CALD1: variants seen among roughly 807,000 people sequenced by gnomAD.
CALD1 encodes the protein caldesmon 1.
CALD1 carries 33 observed loss-of-function variants against 99.9 expected under a neutral mutation model. The ratio of observed to expected loss-of-function variants is 0.33; its 90% CI spans 0.25 to 0.44. The LOEUF (loss-of-function observed/expected upper bound fraction) is 0.44, where lower values mean the gene tolerates loss of function less well. CALD1 is among the 20% of genes least tolerant of loss of function. The pLI, the probability that CALD1 is intolerant of heterozygous loss-of-function variation, is 1.00. For synonymous variants in CALD1, 310 were observed against 325.0 expected (o/e 0.95, Z 0.50); for missense variants, 861 against 962.1 (o/e 0.89, Z 1.39).
chr7:134,953,167 A>G (rs1366875486), intron 9 of CALD1, among the ~76,000 whole-genome samples: 1 of 151,974 alleles, frequency 6.6e-6, no homozygotes, highest in Admixed American at 6.6e-5. Context: ...TTTTTTTTTA[A>G]CCGTTTAACA....
At chr7:134,812,813 A>AT (rs936672353) in intron 1 of CALD1, among the ~76,000 whole-genome samples, 1 of 152,086 alleles carries the variant, frequency 6.6e-6, no homozygotes, top group African/African-American at 2.4e-5. Flanking sequence ...TCCTGAATAT[A>AT]TTTTTTTGGG....
At chr7:134,884,359 T>C (rs1363885881) in intron 3 of CALD1, among the ~76,000 whole-genome samples, 1 of 152,214 alleles carries the variant, frequency 6.6e-6, no homozygotes, top group South Asian at 2.1e-4. Flanking sequence ...TTACCTGTGA[T>C]GATTTCACCC....
chr7:134,779,486 G>T, upstream of CALD1: 1 of 390,128 alleles, frequency 2.6e-6, no homozygotes, highest in Non-Finnish European at 4.5e-6. Flanking sequence ...CCTTGGCTGG[G>T]GTGTCGTCAT....
chr7:134,879,284 CTGTGAA>C (rs1563063384), intron 3 of CALD1, among the ~76,000 whole-genome samples: 2 of 152,220 alleles, frequency 1.3e-5, no homozygotes, highest in Non-Finnish European at 2.9e-5. Flanking sequence ...TCTCATTCAT[CTGTGAA>C]TCAGGTTAAA....
intron 1 of CALD1, among the ~76,000 whole-genome samples, chr7:134,773,170 T>C (rs1255540651): frequency 1.3e-5 from 2 of 152,200 alleles, no homozygotes; most frequent in Admixed American, 1.3e-4. Flanking sequence ...TTTTTTTCTG[T>C]CCTCTTTTTT....
chr7:134,747,655 T>G (rs1796646887), intron 1 of CALD1, among the ~76,000 whole-genome samples: 1 of 152,154 alleles, frequency 6.6e-6, no homozygotes, highest in Admixed American at 6.5e-5. Context: ...CTCCCTGCAC[T>G]CCATGCCTGT....
chr7:134,897,389 AATAT>A (rs772700602), intron 3 of CALD1, among the ~76,000 whole-genome samples: 1 of 146,644 alleles, frequency 6.8e-6, no homozygotes. Context: ...TATATATATA[AATAT>A]ATATATATAT....
intron 1 of CALD1, among the ~76,000 whole-genome samples, chr7:134,827,354 T>C (rs1799038771): frequency 6.6e-6 from 1 of 152,226 alleles, no homozygotes; most frequent in Non-Finnish European, 1.5e-5. Flanking sequence ...TTCCAGAATG[T>C]AGTAAGATTA....
chr7:134,933,082 G>A lies in CALD1; in HGVS notation c.313G>A (p.Glu105Lys), dbSNP rs1805656633. Residue 105 changes from glutamate to lysine, a missense_variant, in exon 5 of 15, where the codon GAA becomes AAA. Physicochemically the swap from Glu to Lys is moderately conservative, Grantham distance 56. Transcript: ENST00000361675. ...AFLERLARRE[E>K]RRQKRLQEAL... ...CCTGGAGCGCCTGGCTCGGCGTGAGGAAAGACGCCAAAAACGCCTTCAGGA... is the reference window on the plus strand; with the variant it reads ...CCTGGAGCGCCTGGCTCGGCGTGAGAAAAGACGCCAAAAACGCCTTCAGGA... 6.2e-7 allele frequency: 1 copy of A among 1,613,988 alleles called. No individual in the cohort carries two copies. The highest frequency in any genetic ancestry group is 8.5e-7 in the Non-Finnish European group (1 of 1,179,968).
chr7:134,958,191 A>T lies in CALD1; in HGVS notation c.1980-18A>T. The T allele has an allele frequency of 6.2e-7, 1 of 1,612,522 alleles. No homozygotes were observed. Among genetic ancestry groups the T allele is most frequent in the Non-Finnish European group, 8.5e-7 (1 of 1,178,626 alleles). ...GATTCTCTCTCATATTTTTATATGTATGTGTTTACTTTTTTAGCAGTGGTG... is the reference window on the plus strand; with the variant it reads ...GATTCTCTCTCATATTTTTATATGTTTGTGTTTACTTTTTTAGCAGTGGTG... On this transcript the variant is annotated intron_variant, in intron 10 of 14. Transcript: ENST00000361675.
In CALD1 at chr7:134,885,167, A is replaced by G. The variant is rs550922014; in HGVS notation, c.71+17363A>G. Among the ~76,000 whole-genome samples the G allele has an allele frequency of 1.1e-4, 16 of 152,168 alleles. No homozygotes were observed. The East Asian group carries it at 3.1e-3, about 29-fold the overall frequency. On this transcript the variant is annotated intron_variant, in intron 3 of 14. Coordinates refer to ENST00000361675, the MANE Select transcript of CALD1 (RefSeq NM_033138.4). ...AGTCTGGTCTGTAACTCCTGACCTC[A>G]GGTGATCCTCCTGCCTCTGCCTCCC...
intron 1 of CALD1, among the ~76,000 whole-genome samples, chr7:134,810,984 C>T (rs1798332663): frequency 6.6e-6 from 1 of 152,144 alleles, no homozygotes; most frequent in Non-Finnish European, 1.5e-5. Context: ...ATCCATAATT[C>T]AAGGTTCAGC....
chr7:134,773,535 G>A (rs1319853999), intron 1 of CALD1, among the ~76,000 whole-genome samples: 1 of 152,002 alleles, frequency 6.6e-6, no homozygotes, highest in Non-Finnish European at 1.5e-5. Flanking sequence ...AAAGGGCTGG[G>A]ATTACAGGCA....
At chr7:134,813,544 C>A (rs527448940) in intron 1 of CALD1, among the ~76,000 whole-genome samples, 1 of 152,222 alleles carries the variant, frequency 6.6e-6, no homozygotes, top group South Asian at 2.1e-4. Context: ...GACAAACTAT[C>A]CAGATTCAGC....
At chr7:134,711,925 C>A in the CALD1 span, among the ~76,000 whole-genome samples, 1 of 150,496 alleles carries the variant, frequency 6.6e-6, no homozygotes, top group East Asian at 1.9e-4. Context: ...AGAGCAGGAA[C>A]CAGCTCCCAT....
intron 9 of CALD1, among the ~76,000 whole-genome samples, chr7:134,953,430 C>T (rs984797687): frequency 3.3e-5 from 5 of 151,884 alleles, no homozygotes; most frequent in Admixed American, 3.3e-4. Flanking sequence ...GGCGCAGTGG[C>T]GCATGCCTGT....
In CALD1 at chr7:134,882,407, A is replaced by C. The variant is rs961869747; in HGVS notation, c.71+14603A>C. Among the ~76,000 whole-genome samples the C allele has an allele frequency of 2.6e-5, 4 of 152,204 alleles. 1 individual carries two copies. Among genetic ancestry groups the C allele is most frequent in the Admixed American group, 2.0e-4 (3 of 15,280 alleles). Reference sequence around the variant, plus strand: ...CATAGAATTTTGACCACTTATGCTTATTTAGTTGCATTGTGGAGGCAAATG... The same window carrying C: ...CATAGAATTTTGACCACTTATGCTTCTTTAGTTGCATTGTGGAGGCAAATG... On this transcript the variant is annotated intron_variant, in intron 3 of 14. Transcript: ENST00000361675.
chr7:134,749,635 A>G (rs771324354), intron 1 of CALD1, among the ~76,000 whole-genome samples: 2 of 152,150 alleles, frequency 1.3e-5, no homozygotes, highest in African/African-American at 4.8e-5. Flanking sequence ...GAGGTAAGGC[A>G]TGGATGTGGA....
intron 1 of CALD1, among the ~76,000 whole-genome samples, chr7:134,767,080 G>C (rs764616269): frequency 6.6e-6 from 1 of 152,200 alleles, no homozygotes; most frequent in Non-Finnish European, 1.5e-5. Context: ...AGGAAGCAGC[G>C]TGAGGTGAAA....
Sources: gnomAD v4.1 joint callset for allele counts (sites outside exome capture counted in the v4.1 genomes callset) on GRCh38, gnomAD v4.1.1 for gene constraint, MANE v1.5 for transcripts, NCBI Gene and HGNC (gene_info 2026-07-23, HGNC 2026-07-21) for gene names.